Variants in CDKAL1 observed in about 807,000 individuals in gnomAD.
CDKAL1 encodes the protein CDKAL1 threonylcarbamoyladenosine tRNA methylthiotransferase, also known as threonylcarbamoyladenosine tRNA methylthiotransferase.
A neutral mutation model predicts 68.2 loss-of-function variants in CDKAL1; 32 were observed. That is an observed-to-expected ratio of 0.47 (90% CI 0.35 to 0.63). The LOEUF (loss-of-function observed/expected upper bound fraction) is 0.63, where lower values mean the gene tolerates loss of function less well. Among genes scored for constraint, CDKAL1 ranks in the 30% least tolerant of loss-of-function variants. CDKAL1 has a pLI of 0.00. For missense variants in CDKAL1, 606 were observed against 696.7 expected (o/e 0.87, Z 1.47); for synonymous variants, 234 against 244.3 (o/e 0.96, Z 0.39).
intron 15 of CDKAL1, among the ~76,000 whole-genome samples, chr6:21,208,571 C>A (rs769368195): frequency 2.8e-4 from 42 of 151,418 alleles, no homozygotes; most frequent in Non-Finnish European, 6.0e-4. Flanking sequence ...TTTCCTTCCA[C>A]CCCCAAGATA....
intron 10 of CDKAL1, among the ~76,000 whole-genome samples, chr6:20,988,182 A>ATGTGTGTGTG (rs58720900): frequency 0.15 from 20,434 of 137,250 alleles, 1,632 homozygotes; most frequent in Non-Finnish European, 0.17. Context: ...GAAACATAAT[A>ATGTGTGTGTG]TGTGTGTGTG....
At chr6:21,079,985 T>TGTGTGTGTGTGTGTGTGTGTGTGTGG (rs1772297155) in intron 12 of CDKAL1, among the ~76,000 whole-genome samples, 1 of 150,752 alleles carries the variant, frequency 6.6e-6, no homozygotes, top group Admixed American at 6.6e-5. Flanking sequence ...TCTGTGTGTG[T>TGTGTGTGTGTGTGTGTGTGTGTGTGG]GTGTGTGTGT....
intron 5 of CDKAL1, among the ~76,000 whole-genome samples, chr6:20,652,710 C>T (rs1264990249): frequency 6.6e-6 from 1 of 152,014 alleles, no homozygotes; most frequent in Non-Finnish European, 1.5e-5. Flanking sequence ...ATTCTTTTTC[C>T]CCTTTATTGG....
chr6:20,668,799 T>C (rs1340565831), intron 5 of CDKAL1, among the ~76,000 whole-genome samples: 1 of 152,218 alleles, frequency 6.6e-6, no homozygotes, highest in East Asian at 1.9e-4. Context: ...TCACCTCCAA[T>C]CTGGAACAGA....
intron 12 of CDKAL1, among the ~76,000 whole-genome samples, chr6:21,104,931 C>T (rs1037313914): frequency 2.6e-5 from 4 of 152,206 alleles, no homozygotes; most frequent in African/African-American, 4.8e-5. Flanking sequence ...GCAAGCTGGT[C>T]GCTCAGCCAT....
intron 13 of CDKAL1, 63 bp from the exon 14 acceptor site, chr6:21,197,958 A>AT: frequency 9.7e-7 from 1 of 1,025,910 alleles, no homozygotes. Flanking sequence ...CTTTATTTTT[A>AT]TTTTTGGATT....
chr6:21,018,313 G>A (rs916464614), intron 11 of CDKAL1, among the ~76,000 whole-genome samples: 1 of 152,196 alleles, frequency 6.6e-6, no homozygotes, highest in South Asian at 2.1e-4. Context: ...TTTGTCAAAT[G>A]TATGCAGTCA....
At chr6:20,992,092 A>G (rs141532409) in intron 10 of CDKAL1, among the ~76,000 whole-genome samples, 2,426 of 133,402 alleles carry the variant, frequency 0.018, 81 homozygotes, top group African/African-American at 0.065. Context: ...CAGTGGCGCA[A>G]TCTTGGCTCA....
intron 9 of CDKAL1, among the ~76,000 whole-genome samples, chr6:20,902,659 A>T (rs910335779): frequency 6.6e-6 from 1 of 152,246 alleles, no homozygotes; most frequent in Non-Finnish European, 1.5e-5. Flanking sequence ...CATATAGATT[A>T]TATATAAAAC....
intron 13 of CDKAL1, among the ~76,000 whole-genome samples, chr6:21,180,060 A>G (rs143699193): frequency 2.0e-5 from 3 of 152,266 alleles, no homozygotes; most frequent in African/African-American, 7.2e-5. Context: ...ATTATAAACT[A>G]TGTGATTCTG....
intron 7 of CDKAL1, among the ~76,000 whole-genome samples, chr6:20,769,074 C>G (rs767354135): frequency 6.6e-5 from 10 of 152,100 alleles, no homozygotes; most frequent in Non-Finnish European, 1.0e-4. Flanking sequence ...GACATGGTCC[C>G]TGAACACACG....
chr6:21,157,576 T>TA (rs1159541150), intron 13 of CDKAL1, among the ~76,000 whole-genome samples: 1 of 152,086 alleles, frequency 6.6e-6, no homozygotes, highest in Admixed American at 6.5e-5. Flanking sequence ...TTAAGTAATA[T>TA]AAAAAAATAG....
intron 4 of CDKAL1, among the ~76,000 whole-genome samples, chr6:20,583,855 A>G (rs1202779657): frequency 1.3e-5 from 2 of 151,586 alleles, no homozygotes; most frequent in African/African-American, 4.9e-5. Context: ...TACTTACAAA[A>G]TTTTTGAGAT....
At chr6:20,826,998 G>A (rs1777528533) in intron 8 of CDKAL1, among the ~76,000 whole-genome samples, 1 of 152,056 alleles carries the variant, frequency 6.6e-6, no homozygotes, top group South Asian at 2.1e-4. Context: ...CACTCTTCTA[G>A]CACAGTGGCT....
At position 20,748,675 on chromosome 6, in the gene CDKAL1, A is replaced by G. The variant is rs148454592; in HGVS notation, c.468+9060A>G. 4.3e-3 allele frequency among the ~76,000 whole-genome samples: 654 copies of G among 151,320 alleles called. 6 individuals carry two copies. The highest frequency in any genetic ancestry group is 0.015 in the African/African-American group (614 of 41,260). ...TGGGAACAGAATAGAGAGCCTAGAG[A>G]TAAAGCCAAGCATACCAAGGATATG... On this transcript the variant is annotated intron_variant, in intron 6 of 15. Transcript: ENST00000274695.
At chr6:21,014,041 C>T (rs76046970) in intron 11 of CDKAL1, among the ~76,000 whole-genome samples, 2,459 of 152,278 alleles carry the variant, frequency 0.016, 60 homozygotes, top group African/African-American at 0.054. Flanking sequence ...TCAACCTCCA[C>T]GTCTGCATTC....
At chr6:20,766,716 A>G (rs1384379810) in intron 7 of CDKAL1, among the ~76,000 whole-genome samples, 4 of 152,168 alleles carry the variant, frequency 2.6e-5, no homozygotes, top group Admixed American at 1.3e-4. Flanking sequence ...TTGCTTTTAC[A>G]TGTGTATTTT....
chr6:20,678,081 G>C (rs774608642), intron 5 of CDKAL1, among the ~76,000 whole-genome samples: 30 of 136,824 alleles, frequency 2.2e-4, no homozygotes, highest in Non-Finnish European at 2.7e-4. Context: ...TCTAGATTAA[G>C]ATCTGTGTTG....
At chr6:20,988,807 TC>T (rs1282602560) in intron 10 of CDKAL1, among the ~76,000 whole-genome samples, 2 of 134,790 alleles carry the variant, frequency 1.5e-5, no homozygotes, top group Admixed American at 8.3e-5. Context: ...GCACCACCAC[TC>T]CCAGTTAATT....
Sources: gnomAD v4.1 joint callset for allele counts (sites outside exome capture counted in the v4.1 genomes callset) on GRCh38, gnomAD v4.1.1 for gene constraint, MANE v1.5 for transcripts, NCBI Gene and HGNC (gene_info 2026-07-23, HGNC 2026-07-21) for gene names.